Variants in CPNE7 observed in about 807,000 individuals in gnomAD.
CPNE7 encodes copine 7.
In CPNE7, 78 loss-of-function variants were observed where a neutral mutation model predicts 66.5. The ratio of observed to expected loss-of-function variants is 1.17; its 90% confidence interval spans 0.98 to 1.42. CPNE7 has a LOEUF of 1.42. CPNE7 is among the 40% of genes most tolerant of loss of function. The pLI is 0.00. For missense variants in CPNE7, 1,012 were observed against 776.6 expected, an observed-to-expected ratio of 1.30 and a Z score of -3.60; for synonymous variants, 468 against 336.7, an observed-to-expected ratio of 1.39 and a Z score of -4.27.
intron 8 of CPNE7, 88 bp from the exon 9 acceptor site, chr16:89,586,955 G>A: frequency 1.5e-6 from 2 of 1,339,714 alleles, no homozygotes; most frequent in Non-Finnish European, 2.1e-6. Context: ...GAGGGACTGG[G>A]CTGCCTGCGG....
Position 89,576,038 on chromosome 16 carries a change from G to T in CPNE7, c.141G>T (p.Ala47=). Residue 47 remains alanine, a synonymous_variant, in exon 1 of 15, where the codon GCG becomes GCT. Transcript: ENST00000319518. The part of the protein sequence containing the change: ...DPLTKSDPSV[A]LLQQAQGQWV... Reference sequence around the variant, plus strand: ...TCACCAAGTCCGACCCCAGCGTGGCGTTGCTGCAGCAGGCGCAGGGCCAGT... The same window carrying T: ...TCACCAAGTCCGACCCCAGCGTGGCTTTGCTGCAGCAGGCGCAGGGCCAGT... 1 of 1,327,920 alleles carries T rather than the reference G, an allele frequency of 7.5e-7. No homozygotes were observed. Among genetic ancestry groups the T allele is most frequent in the Non-Finnish European group, 9.6e-7 (1 of 1,039,046 alleles). The allele number at this position is 1,327,920 out of a possible 1,614,324, so 82.3% of individuals were successfully genotyped here.
chr16:89,595,657 T>G, intron 14 of CPNE7, 54 bp downstream of exon 14: 1 of 1,485,532 alleles, frequency 6.7e-7, no homozygotes, highest in Non-Finnish European at 9.3e-7. Context: ...CCTGTTCATG[T>G]CACTGCCCAA....
At chr16:89,580,537 C>G (rs964712413) in intron 2 of CPNE7, among the ~76,000 whole-genome samples, 1 of 147,242 alleles carries the variant, frequency 6.8e-6, no homozygotes, top group Non-Finnish European at 1.5e-5. Flanking sequence ...ATCCCATCAC[C>G]CGTCACATGG....
intron 2 of CPNE7, among the ~76,000 whole-genome samples, chr16:89,579,834 A>G (rs1213031514): frequency 4.9e-4 from 8 of 16,456 alleles, no homozygotes; most frequent in South Asian, 4.5e-3. Flanking sequence ...TCCCACACCC[A>G]TCACACGGAA....
rs149729126 is a variant in CPNE7 at position 89,583,719 on chromosome 16, C to G, written c.380C>G (p.Thr127Ser). Residue 127 changes from threonine (T) to serine (S), a missense_variant, in exon 3 of 15, where the codon ACC (threonine) becomes AGC (serine). Transcript: ENST00000319518. ...CAGATTGTGGCCCAGAAGAAGGTGA[C>G]CCGCCCGCTGCTGCTCAAGTTTGGC... Reference protein sequence around the residue: ...LGQIVAQKKVTRPLLLKFGRN... With the variant: ...LGQIVAQKKVSRPLLLKFGRN... 1.2e-6 allele frequency: 2 copies of G among 1,612,812 alleles called. No homozygotes were observed. Among genetic ancestry groups the G allele is most frequent in the South Asian group, 1.1e-5 (1 of 91,084 alleles).
Position 89,577,407 on chromosome 16 carries a change from G to A in CPNE7, c.175-132G>A, listed in dbSNP as rs1350758438. On this transcript the variant is annotated intron_variant, in intron 1 of 14. Coordinates refer to ENST00000319518, the MANE Select transcript of CPNE7 (RefSeq NM_153636.3). Reference sequence around the variant, plus strand: ...ATTGTGGTCCCATGGACAGAGAGCAGGCAGGAGGTCTTCCCAGGGTATGAG... The same window carrying A: ...ATTGTGGTCCCATGGACAGAGAGCAAGCAGGAGGTCTTCCCAGGGTATGAG... The A allele has an allele frequency of 2.0e-5, 18 of 892,744 alleles. No individual in the cohort carries two copies. In the South Asian group the frequency reaches 2.8e-4, roughly 14 times the overall value. 55.3% of individuals were successfully genotyped at this position (892,744 alleles called of 1,614,324 possible).
At chr16:89,583,655 G>GTCCCCGCCTGCCCC (rs1230100385) in intron 2 of CPNE7, 42 bp from the exon 3 acceptor site, 10 of 1,611,304 alleles carry the variant, frequency 6.2e-6, no homozygotes, top group Non-Finnish European at 6.8e-6. Flanking sequence ...GTCAGGAGCC[G>GTCCCCGCCTGCCCC]TCCCCGCCTG....
At position 89,588,948 on chromosome 16, in the gene CPNE7, G is replaced by A. The variant is rs562429699; in HGVS notation, c.1061+140G>A. 3.3e-5 allele frequency: 34 copies of A among 1,023,244 alleles called. No individual in the cohort carries two copies. In the Middle Eastern group the frequency reaches 4.2e-3, roughly 127 times the overall value. 63.4% of individuals were successfully genotyped at this position (1,023,244 alleles called of 1,614,324 possible). A position where few individuals can be genotyped will look rare whatever the true frequency, so the allele number is the denominator to read the frequency against. On this transcript the variant is annotated intron_variant, in intron 10 of 14. Coordinates refer to ENST00000319518, the MANE Select transcript of CPNE7 (RefSeq NM_153636.3). ...CGGCCGGTTTTCCCTCACCCCCCTG[G>A]GCTCCAGGTCAGGCCTCGGGGCACC... is the stretch of plus-strand genomic sequence containing the variant.
In CPNE7 at chr16:89,589,796, AC is replaced by A. The variant is rs2059141777; in HGVS notation, c.1062-96del. 11 of 1,293,776 alleles carry A rather than the reference AC, an allele frequency of 8.5e-6. No homozygotes were observed. The Admixed American group carries it at 1.9e-4, about 23-fold the overall frequency. 80.1% of individuals were successfully genotyped at this position (1,293,776 alleles called of 1,614,324 possible). A position where few individuals can be genotyped will look rare whatever the true frequency, so the allele number is the denominator to read the frequency against. On this transcript the variant is annotated intron_variant, in intron 10 of 14. Coordinates refer to ENST00000319518, the MANE Select transcript of CPNE7 (RefSeq NM_153636.3). ...TACTGCCGTGGTACCAGGCCTGGGCACCCCCAGTCTTTTGGGCGCCAGTCAT... is the reference window on the plus strand; with the variant it reads ...TACTGCCGTGGTACCAGGCCTGGGCACCCCAGTCTTTTGGGCGCCAGTCAT...
At chr16:89,583,107 G>C (rs1022558660) in intron 2 of CPNE7, among the ~76,000 whole-genome samples, 2 of 152,222 alleles carry the variant, frequency 1.3e-5, no homozygotes, top group African/African-American at 4.8e-5. Context: ...GGCTGCATGA[G>C]GAGGTCCCCA....
At chr16:89,590,616 C>T (rs1179886055) in intron 11 of CPNE7, among the ~76,000 whole-genome samples, 2 of 151,366 alleles carry the variant, frequency 1.3e-5, no homozygotes, top group African/African-American at 4.9e-5. Context: ...AAGCCTCAGG[C>T]ACTGCTGGAT....
rs369719899 is a variant in CPNE7, at chr16:89,577,578, G to A, written c.214G>A (p.Val72Met). 10 of 1,553,148 alleles carry A rather than the reference G, an allele frequency of 6.4e-6. No individual in the cohort carries two copies. Among genetic ancestry groups the A allele is most frequent in the South Asian group, 2.4e-5 (2 of 84,124 alleles). The part of the protein sequence containing the change: ...TEVVRSSLHP[V>M]FSKVFTVDYY... Reference sequence around the variant, plus strand: ...GGTGGTCCGGAGCAGCCTGCATCCCGTGTTCTCCAAGGTCTTCACGGTGGA... The same window carrying A: ...GGTGGTCCGGAGCAGCCTGCATCCCATGTTCTCCAAGGTCTTCACGGTGGA... The change falls in exon 2 of 15, where the codon GTG becomes ATG. Residue 72 changes from valine (V) to methionine (M), a missense_variant. Physicochemically the swap from Val to Met is conservative, Grantham distance 21. Transcript: ENST00000319518.
intron 10 of CPNE7, 146 bp from the exon 11 acceptor site, chr16:89,589,751 C>T: frequency 5.0e-6 from 4 of 799,946 alleles, no homozygotes; most frequent in Non-Finnish European, 8.1e-6. Flanking sequence ...AGCCTCGGTT[C>T]CCCACCTCTG....
chr16:89,577,729 C>T lies in CPNE7; in HGVS notation c.357+8C>T, dbSNP rs1011952746. 2.5e-6 allele frequency: 4 copies of T among 1,582,656 alleles called. No individual in the cohort carries two copies. The highest frequency in any genetic ancestry group is 2.7e-5 in the African/African-American group (2 of 74,342). On this transcript the variant is annotated splice_region_variant and intron_variant, in intron 2 of 14. Transcript: ENST00000319518. ...GAGTGCACCCTGGGGCAGGTGGGTG[C>T]CCCGTCCCCTCGGAGGGAGGAGGAC...
chr16:89,583,346 T>A, intron 2 of CPNE7: 1 of 1,171,606 alleles, frequency 8.5e-7, no homozygotes, highest in Admixed American at 2.0e-5. Flanking sequence ...TGCTTACCTG[T>A]GGAGGGGCGT....
At position 89,587,324 on chromosome 16, in the gene CPNE7, T is replaced by G. The variant is rs2059068847; in HGVS notation, c.927+222T>G. Among the ~76,000 whole-genome samples the G allele has an allele frequency of 4.8e-3, 7 of 1,456 alleles. 3 individuals are homozygous for G. The highest frequency in any genetic ancestry group is 0.016 in the African/African-American group (5 of 318). 1.0% of individuals were successfully genotyped at this position (1,456 alleles called of 152,430 possible). ...GCCCCGCCCATCCCCGCCCCCTCAG[T>G]CCGTGGCCCCGCCCCCGCCCCCGCC... On this transcript the variant is annotated intron_variant, in intron 9 of 14. Transcript: ENST00000319518.
chr16:89,576,329 G>C (rs1018839624), intron 1 of CPNE7, among the ~76,000 whole-genome samples: 7 of 152,090 alleles, frequency 4.6e-5, no homozygotes, highest in Admixed American at 2.0e-4. Context: ...CCGCAGTGAG[G>C]GGTGCGGCCC....
In CPNE7 at chr16:89,584,985, TG is replaced by T; in HGVS notation, c.591+130del. On this transcript the variant is annotated intron_variant, in intron 5 of 14. Transcript: ENST00000319518. The surrounding 1 kb of genome is among the most constrained non-coding windows in gnomAD (Gnocchi z 6.0). ...TGTGGGCGCAGGGCTTTGGTGGCTGTGGCTATGGCCAGAATCCAACAGGGAG... is the reference window on the plus strand; with the variant it reads ...TGTGGGCGCAGGGCTTTGGTGGCTGTGCTATGGCCAGAATCCAACAGGGAG... The T allele has an allele frequency of 1.2e-6, 1 of 848,024 alleles. No homozygotes were observed. 52.5% of individuals were successfully genotyped at this position (848,024 alleles called of 1,614,324 possible).
intron 2 of CPNE7, among the ~76,000 whole-genome samples, chr16:89,582,084 T>C (rs1482590199): frequency 6.6e-6 from 1 of 152,252 alleles, no homozygotes; most frequent in Non-Finnish European, 1.5e-5. Flanking sequence ...TGAGCACGTG[T>C]GCTGTGGATA....
Sources: allele counts gnomAD v4.1 joint callset (sites outside exome capture counted in the v4.1 genomes callset), GRCh38; gene constraint gnomAD v4.1.1; non-coding constraint Gnocchi (gnomAD v3.1); transcripts MANE v1.5; gene names NCBI Gene and HGNC (gene_info 2026-07-23, HGNC 2026-07-21).